CHRM3: variants seen among roughly 807,000 people sequenced by gnomAD.
The protein encoded by CHRM3 is cholinergic receptor muscarinic 3.
CHRM3 carries 11 observed loss-of-function variants against 41.8 expected under a neutral mutation model. The ratio of observed to expected loss-of-function variants is 0.26; its 90% confidence interval spans 0.17 to 0.44. The LOEUF is 0.44. Ranked by LOEUF, CHRM3 falls within the 20% of genes least tolerant of loss-of-function variation. The pLI is 1.00. For missense variants in CHRM3, 571 were observed against 745.4 expected (o/e 0.77, Z 2.72); for synonymous variants, 297 against 301.4 (o/e 0.99, Z 0.15).
chr1:239,389,350 C>A (rs1658818283), intron 1 of CHRM3, among the ~76,000 whole-genome samples: 1 of 152,158 alleles, frequency 6.6e-6, no homozygotes, highest in Admixed American at 6.5e-5. Flanking sequence ...CAGTACCCTA[C>A]TTTTATTCTG....
intron 1 of CHRM3, among the ~76,000 whole-genome samples, chr1:239,452,327 C>G (rs529809872): frequency 2.6e-5 from 4 of 152,288 alleles, no homozygotes; most frequent in African/African-American, 9.6e-5. Flanking sequence ...TATTACCCAA[C>G]CATGAATATC....
chr1:239,563,358 G>A (rs772938978), intron 3 of CHRM3, among the ~76,000 whole-genome samples: 4 of 152,102 alleles, frequency 2.6e-5, no homozygotes, highest in African/African-American at 9.7e-5. Flanking sequence ...ATTGCTTAAA[G>A]CATCTCAGAT....
At chr1:239,683,122 G>A (rs539842370) in intron 5 of CHRM3, among the ~76,000 whole-genome samples, 3 of 152,120 alleles carry the variant, frequency 2.0e-5, no homozygotes, top group South Asian at 2.1e-4. Context: ...GTTGACCAAC[G>A]TATTGACTTT....
intron 6 of CHRM3, among the ~76,000 whole-genome samples, chr1:239,859,819 T>TTATTTATATA (rs1553286826): frequency 7.6e-6 from 1 of 131,424 alleles, no homozygotes; most frequent in Non-Finnish European, 1.6e-5. Context: ...TCTAAGTGTT[T>TTATTTATATA]TATATATATA....
At chr1:239,766,672 T>G (rs7413266) in intron 5 of CHRM3, among the ~76,000 whole-genome samples, 59 of 145,632 alleles carry the variant, frequency 4.1e-4, no homozygotes, top group African/African-American at 1.5e-3. Context: ...TGGATATAGA[T>G]ATATAGATAT....
intron 2 of CHRM3, among the ~76,000 whole-genome samples, chr1:239,527,117 CA>C (rs1168030013): frequency 6.6e-6 from 1 of 151,920 alleles, no homozygotes; most frequent in African/African-American, 2.4e-5. Context: ...AGCCCTGTCT[CA>C]AAAAACAAAA....
At chr1:239,821,976 G>A (rs1185734354) in intron 5 of CHRM3, among the ~76,000 whole-genome samples, 4 of 152,106 alleles carry the variant, frequency 2.6e-5, no homozygotes, top group Non-Finnish European at 5.9e-5. Flanking sequence ...CACCCTGTGA[G>A]GAAGGTGCCT....
chr1:239,874,299 A>AATCTATATACACAG (rs532040869), intron 6 of CHRM3, among the ~76,000 whole-genome samples: 3 of 116,702 alleles, frequency 2.6e-5, no homozygotes, highest in African/African-American at 3.9e-5. Context: ...ATATATATAT[A>AATCTATATACACAG]TATATATATA....
chr1:239,881,023 C>T (rs1677542938), intron 6 of CHRM3, among the ~76,000 whole-genome samples: 1 of 152,056 alleles, frequency 6.6e-6, no homozygotes, highest in Admixed American at 6.6e-5. Flanking sequence ...GTGGCTCACG[C>T]CTGTCATCCC....
At chr1:239,796,095 C>T (rs1051665976) in intron 5 of CHRM3, among the ~76,000 whole-genome samples, 10 of 152,058 alleles carry the variant, frequency 6.6e-5, no homozygotes, top group Non-Finnish European at 7.4e-5. Context: ...GTTTATTCTA[C>T]GACATTACTA....
At chr1:239,674,315 T>C (rs1657742708) in intron 4 of CHRM3, among the ~76,000 whole-genome samples, 1 of 152,172 alleles carries the variant, frequency 6.6e-6, no homozygotes, top group Non-Finnish European at 1.5e-5. Flanking sequence ...AAAATATAAA[T>C]TTATTAGTTC....
chr1:239,617,302 T>G (rs1327961535), intron 3 of CHRM3, among the ~76,000 whole-genome samples: 1 of 152,164 alleles, frequency 6.6e-6, no homozygotes, highest in South Asian at 2.1e-4. Flanking sequence ...CAGTAGAATC[T>G]AGGAAATGTT....
At chr1:239,518,116 G>GACA (rs932041245) in intron 2 of CHRM3, among the ~76,000 whole-genome samples, 7 of 151,878 alleles carry the variant, frequency 4.6e-5, no homozygotes, top group Admixed American at 4.6e-4. Context: ...AAAAAACAAC[G>GACA]ACAACAACAA....
intron 1 of CHRM3, among the ~76,000 whole-genome samples, chr1:239,389,360 G>A (rs940878198): frequency 1.3e-5 from 2 of 152,098 alleles, no homozygotes; most frequent in Admixed American, 1.3e-4. Context: ...CTTTTATTCT[G>A]GGGTAGGGGG....
chr1:239,734,014 G>A (rs934391487), intron 5 of CHRM3, among the ~76,000 whole-genome samples: 3 of 151,940 alleles, frequency 2.0e-5, no homozygotes, highest in East Asian at 1.9e-4. Flanking sequence ...ACACTTTTAC[G>A]CAATGTGGAG....
intron 3 of CHRM3, among the ~76,000 whole-genome samples, chr1:239,597,806 G>A (rs1268084668): frequency 6.8e-6 from 1 of 148,116 alleles, no homozygotes; most frequent in Non-Finnish European, 1.5e-5. Context: ...ACTTGTTGAT[G>A]GGATTTTTTT....
At chr1:239,389,729 T>C (rs1658855830) in intron 1 of CHRM3, among the ~76,000 whole-genome samples, 1 of 152,230 alleles carries the variant, frequency 6.6e-6, no homozygotes, top group Non-Finnish European at 1.5e-5. Context: ...TATTTTCAGA[T>C]TTTTAGTTAA....
intron 5 of CHRM3, among the ~76,000 whole-genome samples, chr1:239,742,796 C>T (rs1049421676): frequency 6.6e-6 from 1 of 152,156 alleles, no homozygotes; most frequent in Non-Finnish European, 1.5e-5. Flanking sequence ...AAAACAAGAG[C>T]CTGGTGTCAT....
chr1:239,871,785 A>G (rs1205570940), intron 6 of CHRM3, among the ~76,000 whole-genome samples: 1 of 152,172 alleles, frequency 6.6e-6, no homozygotes, highest in Admixed American at 6.5e-5. Flanking sequence ...GACCTGATAA[A>G]AATCTCTTAA....
Sources: gnomAD v4.1 joint callset for allele counts (sites outside exome capture counted in the v4.1 genomes callset) on GRCh38, gnomAD v4.1.1 for gene constraint, MANE v1.5 for transcripts, NCBI Gene and HGNC (gene_info 2026-07-23, HGNC 2026-07-21) for gene names.